The following YBX1 variants were observed in gnomAD, a reference collection of about 807,000 sequenced individuals.
YBX1 encodes the protein Y-box binding protein 1.
A neutral mutation model predicts 41.4 loss-of-function variants in YBX1; 3 were observed. The ratio of observed to expected loss-of-function variants is 0.07; its 90% CI spans 0.03 to 0.19. YBX1 has a LOEUF of 0.19. YBX1 is among the 10% of genes least tolerant of loss of function. The pLI is 1.00. For synonymous variants in YBX1, 133 were observed against 165.8 expected (o/e 0.80, Z 1.52); for missense variants, 274 against 462.8 (o/e 0.59, Z 3.74).
chr1:42,686,218 T>A (rs1012829676), intron 2 of YBX1, among the ~76,000 whole-genome samples: 3 of 152,222 alleles, frequency 2.0e-5, no homozygotes, highest in African/African-American at 7.2e-5. Context: ...TTAATAATTC[T>A]TAATGTTTTG....
intron 3 of YBX1, among the ~76,000 whole-genome samples, chr1:42,694,718 TAA>T (rs1650418333): frequency 6.6e-6 from 1 of 152,240 alleles, no homozygotes; most frequent in Non-Finnish European, 1.5e-5. Context: ...ATTTAAATTC[TAA>T]ATGTAAATAA....
intron 2 of YBX1, among the ~76,000 whole-genome samples, chr1:42,685,502 T>G (rs1650172066): frequency 6.6e-6 from 1 of 152,190 alleles, no homozygotes; most frequent in African/African-American, 2.4e-5. Flanking sequence ...TTAAGGAAAA[T>G]GTATGTGATA....
At chr1:42,693,385 T>C (rs1650387404) in intron 2 of YBX1, 105 bp from the exon 3 acceptor site, 1 of 1,356,414 alleles carries the variant, frequency 7.4e-7, no homozygotes, top group African/African-American at 1.5e-5. Context: ...TTGCCAAATT[T>C]CCTGGTACCT....
intron 6 of YBX1, among the ~76,000 whole-genome samples, chr1:42,700,371 A>G (rs1057443095): frequency 2.6e-5 from 4 of 152,092 alleles, no homozygotes; most frequent in Admixed American, 2.0e-4. Context: ...TGGGAGGCCA[A>G]GGAGGGAGGA....
In YBX1 at chr1:42,683,249, G is replaced by A. The variant is rs750821280; in HGVS notation, c.167-154G>A. ...ACTCACCCACGTGTGCGGCGGCGGC[G>A]GCGACTGCGTGGCCCCGCACCCGGG... On this transcript the variant is annotated intron_variant, in intron 1 of 7. Transcript: ENST00000321358. 6.6e-5 allele frequency: 57 copies of A among 862,488 alleles called. No individual in the cohort carries two copies. The African/African-American group carries it at 7.8e-4, about 12-fold the overall frequency. 53.4% of individuals were successfully genotyped at this position (862,488 alleles called of 1,614,324 possible).
Position 42,698,372 on chromosome 1 carries a change from A to G in YBX1, c.740+1110A>G, listed in dbSNP as rs16829886. Among the ~76,000 whole-genome samples the G allele has an allele frequency of 4.0e-3, 604 of 152,340 alleles. 3 individuals carry two copies. Among genetic ancestry groups the G allele is most frequent in the African/African-American group, 0.014 (576 of 41,570 alleles). Reference sequence around the variant, plus strand: ...GAGGTCCTAACTGATCACTACCACAATTGAAGATCTCTGATTCAGTTTTCT... The same window carrying G: ...GAGGTCCTAACTGATCACTACCACAGTTGAAGATCTCTGATTCAGTTTTCT... On this transcript the variant is annotated intron_variant, in intron 6 of 7. Coordinates refer to ENST00000321358, the MANE Select transcript of YBX1 (RefSeq NM_004559.5).
In YBX1 at chr1:42,701,179, C is replaced by CTATT. The variant is rs1650591811; in HGVS notation, c.*31+134_*31+137dup. On this transcript the variant is annotated intron_variant, in intron 7 of 7. Coordinates refer to ENST00000321358, the MANE Select transcript of YBX1 (RefSeq NM_004559.5). ...CATGTTATTTATAATGTGTTCTGCC[C>CTATT]TATTCTTAATTACCTAATATTTCAT... 4.3e-6 allele frequency: 3 copies of CTATT among 691,574 alleles called. No individual in the cohort carries two copies. The Admixed American group carries it at 9.0e-5, about 21-fold the overall frequency. 42.8% of individuals were successfully genotyped at this position (691,574 alleles called of 1,614,324 possible).
At chr1:42,683,142 C>T (rs1332862649) in intron 1 of YBX1, 3 of 633,494 alleles carry the variant, frequency 4.7e-6, no homozygotes, top group African/African-American at 3.8e-5. Flanking sequence ...CCTTCCCTCA[C>T]GTGCTCTCCG....
chr1:42,700,743 G>A (rs770679123), intron 6 of YBX1, 38 bp from the exon 7 acceptor site: 54 of 1,547,172 alleles, frequency 3.5e-5, no homozygotes, highest in Non-Finnish European at 4.6e-5. Context: ...GAAGAGAGAA[G>A]GTTTTATCAT....
At chr1:42,691,553 T>C (rs1435607400) in intron 2 of YBX1, among the ~76,000 whole-genome samples, 5 of 152,202 alleles carry the variant, frequency 3.3e-5, no homozygotes, top group Non-Finnish European at 7.3e-5. Context: ...GATATTGATA[T>C]GTGAATACCT....
chr1:42,696,548 T>G lies in YBX1; in HGVS notation c.355-94T>G. The G allele has an allele frequency of 1.1e-6, 1 of 905,220 alleles. No individual in the cohort carries two copies. The highest frequency in any genetic ancestry group is 1.5e-6 in the Non-Finnish European group (1 of 660,702). 56.1% of individuals were successfully genotyped at this position (905,220 alleles called of 1,614,324 possible). ...TTTTTTTTCCTTAACTTTGTTGTTT[T>G]TTGCTTTGTTTGAAAATGTTCTGAT... On this transcript the variant is annotated intron_variant, in intron 4 of 7. Coordinates refer to ENST00000321358, the MANE Select transcript of YBX1 (RefSeq NM_004559.5). The surrounding 1 kb of genome is among the most constrained non-coding windows in gnomAD (Gnocchi z 5.7).
chr1:42,696,142 A>G lies in YBX1; in HGVS notation c.265-57A>G. 2 of 1,437,882 alleles carry G rather than the reference A, an allele frequency of 1.4e-6. No individual in the cohort carries two copies. The highest frequency in any genetic ancestry group is 1.9e-6 in the Non-Finnish European group (2 of 1,048,628). 89.1% of individuals were successfully genotyped at this position (1,437,882 alleles called of 1,614,324 possible). A position where few individuals can be genotyped will look rare whatever the true frequency, so the allele number is the denominator to read the frequency against. On this transcript the variant is annotated intron_variant, in intron 3 of 7. Coordinates refer to ENST00000321358, the MANE Select transcript of YBX1 (RefSeq NM_004559.5). This position sits in a 1 kb window ranked among gnomAD's most constrained non-coding sequence, Gnocchi z 5.7. ...TAATATTGACTCTGGTACATTTTAA[A>G]TGAAAAAGCACATTATTCTCCCCTG... is the stretch of plus-strand genomic sequence containing the variant.
intron 2 of YBX1, among the ~76,000 whole-genome samples, chr1:42,684,548 C>G (rs550976584): frequency 3.1e-4 from 47 of 152,298 alleles, no homozygotes; most frequent in Admixed American, 1.2e-3. Flanking sequence ...AAAAACTGTT[C>G]ATTAATCAAT....
At chr1:42,683,100 G>GCGCAC (rs749702492) in intron 1 of YBX1, 13 of 558,346 alleles carry the variant, frequency 2.3e-5, no homozygotes, top group South Asian at 9.7e-5. Context: ...GGAGGGCGCG[G>GCGCAC]CGCACCGCCT....
At chr1:42,697,143 C>G in intron 5 of YBX1, 37 bp from the exon 6 acceptor site, 1 of 1,595,776 alleles carries the variant, frequency 6.3e-7, no homozygotes, top group Non-Finnish European at 8.5e-7. Context: ...TATTATATTA[C>G]TGACCCAGTA....
At chr1:42,683,086 G>T in intron 1 of YBX1, 2 of 528,946 alleles carry the variant, frequency 3.8e-6, no homozygotes, top group Non-Finnish European at 3.5e-6. Context: ...TTCCGCGTGT[G>T]CTCGGAGGGC....
chr1:42,688,390 G>A (rs560365546), intron 2 of YBX1, among the ~76,000 whole-genome samples: 4 of 152,288 alleles, frequency 2.6e-5, no homozygotes, highest in Admixed American at 6.5e-5. Flanking sequence ...ACCATAAAAT[G>A]TACACAAATG....
intron 2 of YBX1, among the ~76,000 whole-genome samples, chr1:42,690,585 C>T (rs1320542259): frequency 1.3e-5 from 2 of 152,168 alleles, no homozygotes; most frequent in Non-Finnish European, 2.9e-5. Context: ...ATGTATGTGT[C>T]AGACTGTGCA....
chr1:42,690,247 C>CTTT (rs201469298), intron 2 of YBX1, among the ~76,000 whole-genome samples: 2 of 143,932 alleles, frequency 1.4e-5, no homozygotes, highest in East Asian at 4.1e-4. Flanking sequence ...TTTTTCTTTT[C>CTTT]TTTTTTTTTT....
Sources: gnomAD v4.1 joint callset for allele counts (sites outside exome capture counted in the v4.1 genomes callset) on GRCh38, gnomAD v4.1.1 for gene constraint, Gnocchi (gnomAD v3.1) non-coding constraint, MANE v1.5 for transcripts, NCBI Gene and HGNC (gene_info 2026-07-23, HGNC 2026-07-21) for gene names.